The following ZMYM4 variants were observed in gnomAD, a reference collection of about 807,000 sequenced individuals.
The protein encoded by ZMYM4 is zinc finger MYM-type protein 4.
ZMYM4 carries 31 observed loss-of-function variants against 183.2 expected under a neutral mutation model. The observed-to-expected ratio is 0.17, with a 90% CI of 0.13 to 0.23. ZMYM4 has a LOEUF of 0.23. ZMYM4 is among the 10% of genes least tolerant of loss of function. ZMYM4 has a pLI of 1.00. For missense variants in ZMYM4, 1,273 were observed against 1,840.3 expected (o/e 0.69, Z 5.64); for synonymous variants, 592 against 631.2 (o/e 0.94, Z 0.93).
At chr1:35,365,929 G>A (rs1644066595) in intron 5 of ZMYM4, 2 of 152,128 alleles carry the variant, frequency 1.3e-5, no homozygotes, top group Admixed American at 6.5e-5. Context: ...TACTTAAGAT[G>A]TATACTATTT....
At chr1:35,354,228 T>A (rs1413481064) in intron 2 of ZMYM4, among the ~76,000 whole-genome samples, 2 of 152,084 alleles carry the variant, frequency 1.3e-5, no homozygotes, top group Admixed American at 6.6e-5. Context: ...GATTTAAAAA[T>A]TTTTTTTCAC....
chr1:35,393,869 C>A, intron 18 of ZMYM4, 130 bp downstream of exon 18: 1 of 1,032,580 alleles, frequency 9.7e-7, no homozygotes, highest in Non-Finnish European at 1.3e-6. Context: ...CAATTTAGTT[C>A]TCACAGCATC....
In ZMYM4 at chr1:35,419,681, G is replaced by A. The variant is rs376508495; in HGVS notation, c.*4G>A. 9 of 1,613,972 alleles carry A rather than the reference G, an allele frequency of 5.6e-6. No homozygotes were observed. The highest frequency in any genetic ancestry group is 5.0e-5 in the Admixed American group (3 of 60,024). ...TGATGTTGAATTATCAGATTAAAAC[G>A]GAAGTGAGGTTCTTATTTTCATACA... On this transcript the variant is annotated 3_prime_UTR_variant, in exon 30 of 30. Transcript: ENST00000314607.
chr1:35,348,803 G>A (rs920560676), intron 2 of ZMYM4, among the ~76,000 whole-genome samples: 1 of 152,102 alleles, frequency 6.6e-6, no homozygotes, highest in African/African-American at 2.4e-5. Context: ...AAGTTAACAT[G>A]TACATTTTTT....
chr1:35,417,943 G>A (rs1462667964), intron 28 of ZMYM4, among the ~76,000 whole-genome samples: 1 of 152,088 alleles, frequency 6.6e-6, no homozygotes, highest in Non-Finnish European at 1.5e-5. Context: ...CCTGGGTGGA[G>A]GCTGCAGTGA....
Position 35,270,144 on chromosome 1 carries a change from C to G in ZMYM4, c.39+1059C>G, listed in dbSNP as rs1639522410. 2.6e-5 allele frequency among the ~76,000 whole-genome samples: 4 copies of G among 152,128 alleles called. No homozygotes were observed. In the South Asian group the frequency reaches 8.3e-4, roughly 31 times the overall value. On this transcript the variant is annotated intron_variant, in intron 1 of 29. Transcript: ENST00000314607. ...TGTGAAGAATTTAACTTCATAGTAACTCCTCCTAGAACCTATTTGCAGATG... is the reference window on the plus strand; with the variant it reads ...TGTGAAGAATTTAACTTCATAGTAAGTCCTCCTAGAACCTATTTGCAGATG...
At chr1:35,315,846 C>T (rs867411622) in intron 1 of ZMYM4, among the ~76,000 whole-genome samples, 44 of 151,938 alleles carry the variant, frequency 2.9e-4, no homozygotes, top group African/African-American at 9.7e-4. Context: ...GGATTGCTGG[C>T]GCCCAGGAGT....
At chr1:35,378,461 C>T (rs995391232) in intron 7 of ZMYM4, among the ~76,000 whole-genome samples, 6 of 152,122 alleles carry the variant, frequency 3.9e-5, no homozygotes, top group African/African-American at 1.2e-4. Flanking sequence ...CTCCTTGATC[C>T]ACAGGCTGCA....
intron 21 of ZMYM4, 44 bp from the exon 22 acceptor site, chr1:35,398,820 G>A: frequency 6.3e-7 from 1 of 1,595,394 alleles, no homozygotes. Flanking sequence ...GTCAAGATGA[G>A]GCTATTTTAT....
At chr1:35,386,613 C>G (rs781366659) in intron 11 of ZMYM4, among the ~76,000 whole-genome samples, 2 of 152,172 alleles carry the variant, frequency 1.3e-5, no homozygotes, top group African/African-American at 2.4e-5. Flanking sequence ...AACCTATCAC[C>G]TACTATAGTA....
Position 35,393,610 on chromosome 1 carries a change from G to C in ZMYM4, c.2782G>C (p.Asp928His). The C allele has an allele frequency of 1.2e-6, 2 of 1,608,804 alleles. No individual in the cohort carries two copies. The highest frequency in any genetic ancestry group is 1.7e-6 in the Non-Finnish European group (2 of 1,177,106). The change falls in exon 18 of 30, where the codon GAT becomes CAT. Residue 928 changes from aspartate to histidine, a missense_variant. Coordinates refer to ENST00000314607, the MANE Select transcript of ZMYM4 (RefSeq NM_005095.3). Reference sequence around the variant, plus strand: ...TTTTTACTAGGCAAGTACTCAAACAGATGCCCTGAAACTGCCACCTTCCCA... The same window carrying C: ...TTTTTACTAGGCAAGTACTCAAACACATGCCCTGAAACTGCCACCTTCCCA... ...KIIGDASTQT[D>H]ALKLPPSQPP...
At chr1:35,277,131 T>C (rs528714628) in intron 1 of ZMYM4, among the ~76,000 whole-genome samples, 23 of 152,180 alleles carry the variant, frequency 1.5e-4, no homozygotes, top group Admixed American at 3.3e-4. Flanking sequence ...TTTAGAATTA[T>C]CTGGAGAGCT....
chr1:35,280,466 G>A (rs1268192796), intron 1 of ZMYM4, among the ~76,000 whole-genome samples: 1 of 152,042 alleles, frequency 6.6e-6, no homozygotes, highest in Non-Finnish European at 1.5e-5. Context: ...TATTAAAGCA[G>A]CACTCCACTT....
intron 1 of ZMYM4, chr1:35,292,050 C>A (rs1640788326): frequency 6.6e-6 from 1 of 152,060 alleles, no homozygotes; most frequent in African/African-American, 2.4e-5. Context: ...GGAACTGAAG[C>A]CCAAGATAGA....
At chr1:35,317,999 A>G (rs1570340320) in intron 1 of ZMYM4, among the ~76,000 whole-genome samples, 2 of 152,206 alleles carry the variant, frequency 1.3e-5, no homozygotes, top group South Asian at 2.1e-4. Context: ...AAAAGATTCA[A>G]AGAGCAAAGG....
chr1:35,374,800 T>C (rs1398644041), intron 7 of ZMYM4, among the ~76,000 whole-genome samples: 1 of 152,212 alleles, frequency 6.6e-6, no homozygotes, highest in Non-Finnish European at 1.5e-5. Flanking sequence ...TTATTACTAT[T>C]GTCCATACAT....
intron 9 of ZMYM4, among the ~76,000 whole-genome samples, chr1:35,384,517 G>GA (rs1280346201): frequency 6.6e-6 from 1 of 152,148 alleles, no homozygotes; most frequent in South Asian, 2.1e-4. Context: ...ATTGGGTGAA[G>GA]ACTTAAGATA....
At chr1:35,377,423 C>T (rs939732268) in intron 7 of ZMYM4, among the ~76,000 whole-genome samples, 1 of 152,144 alleles carries the variant, frequency 6.6e-6, no homozygotes, top group Non-Finnish European at 1.5e-5. Flanking sequence ...ATTAGGTGCT[C>T]CTAACGATGA....
rs1183095329 is a variant in ZMYM4, at chr1:35,398,850, T to A, written c.3254-14T>A. ...TTTTATTTTGAGGGCTTAATTGTTATCTATATATTTCAGACCAAGGAAGTA... is the reference window on the plus strand; with the variant it reads ...TTTTATTTTGAGGGCTTAATTGTTAACTATATATTTCAGACCAAGGAAGTA... On this transcript the variant is annotated splice_polypyrimidine_tract_variant and intron_variant, in intron 21 of 29. Coordinates refer to ENST00000314607, the MANE Select transcript of ZMYM4 (RefSeq NM_005095.3). 2 of 1,610,382 alleles carry A rather than the reference T, an allele frequency of 1.2e-6. No individual in the cohort carries two copies. The highest frequency in any genetic ancestry group is 1.7e-6 in the Non-Finnish European group (2 of 1,177,562).
Sources: allele counts gnomAD v4.1 joint callset (sites outside exome capture counted in the v4.1 genomes callset), GRCh38; gene constraint gnomAD v4.1.1; transcripts MANE v1.5; gene names NCBI Gene and HGNC (gene_info 2026-07-23, HGNC 2026-07-21).